The following ANKRD29 variants were observed in gnomAD, a reference collection of about 807,000 sequenced individuals.
ANKRD29 encodes the protein ankyrin repeat domain 29.
A neutral mutation model predicts 38.0 loss-of-function variants in ANKRD29; 32 were observed. That is an observed-to-expected ratio of 0.84 (90% CI 0.64 to 1.13). The LOEUF is 1.13. Among genes scored for constraint, ANKRD29 ranks in the 50% most tolerant of loss-of-function variants. The pLI is 0.00. For missense variants in ANKRD29, 357 were observed against 377.9 expected (o/e 0.94, Z 0.46); for synonymous variants, 135 against 152.4 (o/e 0.89, Z 0.84).
At position 23,638,914 on chromosome 18, in the gene ANKRD29, G is replaced by T; in HGVS notation, c.265C>A (p.Gln89Lys). The change falls in exon 4 of 10, where the codon CAA becomes AAA. Residue 89 changes from glutamine to lysine, a missense_variant. Coordinates refer to ENST00000592179, the MANE Select transcript of ANKRD29 (RefSeq NM_173505.4). ...GTTALFFAAQ[Q>K]GHNDVVRFLF... Reference sequence around the variant, plus strand: ...AATCTCACGACATCATTATGGCCTTGCTGGGCGGCAAAGAATAGGGCAGTT... The same window carrying T: ...AATCTCACGACATCATTATGGCCTTTCTGGGCGGCAAAGAATAGGGCAGTT... The T allele has an allele frequency of 2.5e-6, 4 of 1,613,004 alleles. No individual in the cohort carries two copies. The highest frequency in any genetic ancestry group is 3.4e-6 in the Non-Finnish European group (4 of 1,179,736).
intron 4 of ANKRD29, among the ~76,000 whole-genome samples, chr18:23,636,591 T>G (rs2060006070): frequency 6.6e-6 from 1 of 151,622 alleles, no homozygotes; most frequent in Admixed American, 6.6e-5. Flanking sequence ...AAAAAATTTT[T>G]TTTAGACAGG....
intron 7 of ANKRD29, chr18:23,619,314 G>C: frequency 1.8e-6 from 1 of 545,598 alleles, no homozygotes; most frequent in Non-Finnish European, 3.2e-6. Context: ...CAGGCCTAAG[G>C]CTAAGATTCC....
chr18:23,662,790 C>T lies in ANKRD29; in HGVS notation c.-60G>A. The T allele has an allele frequency of 4.3e-6, 6 of 1,388,444 alleles. No individual in the cohort carries two copies. The highest frequency in any genetic ancestry group is 3.2e-5 in the East Asian group (1 of 31,314). 86.0% of individuals were successfully genotyped at this position (1,388,444 alleles called of 1,614,324 possible). On this transcript the variant is annotated 5_prime_UTR_variant, in exon 1 of 10. Coordinates refer to ENST00000592179, the MANE Select transcript of ANKRD29 (RefSeq NM_173505.4). ...TGGGCCCGGGGCGCCTTGTCCTCCC[C>T]GGCCCTTCACTCTCCCGGGGCTCTC...
chr18:23,662,087 A>AT (rs1239547932), intron 1 of ANKRD29, among the ~76,000 whole-genome samples: 1 of 151,904 alleles, frequency 6.6e-6, no homozygotes, highest in Non-Finnish European at 1.5e-5. Context: ...GGTTGAGACC[A>AT]TACACACCAT....
At chr18:23,641,377 C>T (rs530476956) in intron 3 of ANKRD29, among the ~76,000 whole-genome samples, 5 of 152,358 alleles carry the variant, frequency 3.3e-5, no homozygotes, top group African/African-American at 1.2e-4. Context: ...GCTCCCTGGC[C>T]TCTCCCCACT....
At chr18:23,639,054 G>A in intron 3 of ANKRD29, 107 bp from the exon 4 acceptor site, 1 of 815,730 alleles carries the variant, frequency 1.2e-6, no homozygotes, top group Admixed American at 3.3e-5. Context: ...AAAACTTCTA[G>A]CCTAGGAAGG....
intron 9 of ANKRD29, among the ~76,000 whole-genome samples, chr18:23,604,103 A>C (rs2059547223): frequency 6.6e-6 from 1 of 152,066 alleles, no homozygotes; most frequent in Non-Finnish European, 1.5e-5. Flanking sequence ...CGGCCTCCCA[A>C]ACTGCTGGGA....
chr18:23,652,233 C>T (rs377496395), intron 1 of ANKRD29, among the ~76,000 whole-genome samples: 1 of 152,180 alleles, frequency 6.6e-6, no homozygotes, highest in Non-Finnish European at 1.5e-5. Context: ...CTCTGGACCA[C>T]GTGGCGTATC....
chr18:23,652,078 A>T (rs2145733019), intron 1 of ANKRD29, among the ~76,000 whole-genome samples: 1 of 152,264 alleles, frequency 6.6e-6, no homozygotes, highest in African/African-American at 2.4e-5. Context: ...TCAGGGTTGG[A>T]CATGGTGGGT....
chr18:23,633,881 T>C (rs2059965842), intron 5 of ANKRD29, among the ~76,000 whole-genome samples, 170 bp downstream of exon 5: 1 of 103,306 alleles, frequency 9.7e-6, no homozygotes, highest in Admixed American at 1.3e-4. Context: ...ATATGTGGTT[T>C]CTATATAAAA....
intron 8 of ANKRD29, among the ~76,000 whole-genome samples, chr18:23,617,166 G>A (rs2059734421): frequency 6.6e-6 from 1 of 152,160 alleles, no homozygotes; most frequent in Non-Finnish European, 1.5e-5. Flanking sequence ...GCAGTGAGCC[G>A]AGATCGTGCC....
intron 9 of ANKRD29, among the ~76,000 whole-genome samples, chr18:23,602,127 C>T (rs534510587): frequency 1.3e-5 from 2 of 152,058 alleles, no homozygotes; most frequent in South Asian, 4.1e-4. Context: ...ATCTCTGCCT[C>T]CTGGGTTCAA....
chr18:23,620,342 G>A (rs1446412634), intron 6 of ANKRD29, among the ~76,000 whole-genome samples: 5 of 152,078 alleles, frequency 3.3e-5, no homozygotes, highest in African/African-American at 7.2e-5. Flanking sequence ...TTTCCTCTGC[G>A]TATATTTGGG....
In ANKRD29 at chr18:23,617,829, T is replaced by C. The variant is rs1181729726; in HGVS notation, c.628-2A>G. The C allele has an allele frequency of 1.9e-6, 3 of 1,613,000 alleles. No homozygotes were observed. Among genetic ancestry groups the C allele is most frequent in the Non-Finnish European group, 2.5e-6 (3 of 1,179,140 alleles). On this transcript the variant is annotated splice_acceptor_variant, in intron 7 of 9. Coordinates refer to ENST00000592179, the MANE Select transcript of ANKRD29 (RefSeq NM_173505.4). LOFTEE classifies it high-confidence loss of function. ...TTTCAATAATGCTGTTGTGCCATCC[T>C]TAACAGAAAGAGGAAAATAAAAGTT...
intron 6 of ANKRD29, among the ~76,000 whole-genome samples, chr18:23,623,738 G>C (rs1362711216): frequency 6.6e-6 from 1 of 151,984 alleles, no homozygotes. Context: ...CGCCTCCCGG[G>C]TTCACGCCAT....
intron 6 of ANKRD29, among the ~76,000 whole-genome samples, chr18:23,624,500 A>AAAAAAAAT (rs2059837685): frequency 7.4e-6 from 1 of 135,646 alleles, no homozygotes; most frequent in Non-Finnish European, 1.6e-5. Flanking sequence ...AAAAAAAAAA[A>AAAAAAAAT]GGTAATAGAA....
At chr18:23,619,668 G>T (rs756368111) in intron 6 of ANKRD29, 39 bp from the exon 7 acceptor site, 14 of 1,495,578 alleles carry the variant, frequency 9.4e-6, no homozygotes, top group Non-Finnish European at 8.9e-6. Flanking sequence ...TGACTGGGGC[G>T]CCCGGCCCCA....
chr18:23,632,490 C>A (rs901229743), intron 5 of ANKRD29, among the ~76,000 whole-genome samples: 40 of 145,318 alleles, frequency 2.8e-4, no homozygotes, highest in Non-Finnish European at 5.3e-4. Context: ...TTCTTTTCAC[C>A]AAACACTTTG....
chr18:23,659,025 A>G (rs2145743501), intron 1 of ANKRD29, among the ~76,000 whole-genome samples: 1 of 152,322 alleles, frequency 6.6e-6, no homozygotes, highest in South Asian at 2.1e-4. Context: ...TCTGTCACCC[A>G]GGCTGGAATG....
Sources: allele counts gnomAD v4.1 joint callset (sites outside exome capture counted in the v4.1 genomes callset), GRCh38; gene constraint gnomAD v4.1.1; transcripts MANE v1.5; gene names NCBI Gene and HGNC (gene_info 2026-07-23, HGNC 2026-07-21).